Variants in BTBD9 observed in about 807,000 individuals in gnomAD.
BTBD9 encodes BTB domain containing 9.
BTBD9 carries 49 observed loss-of-function variants against 64.3 expected under a neutral mutation model. The ratio of observed to expected loss-of-function variants is 0.76; its 90% CI spans 0.61 to 0.97. The LOEUF (loss-of-function observed/expected upper bound fraction) is 0.97. Among genes scored for constraint, BTBD9 ranks in the 50% least tolerant of loss-of-function variants. BTBD9 has a pLI of 0.00. For missense variants in BTBD9, 598 were observed against 762.1 expected (o/e 0.78, Z 2.53); for synonymous variants, 260 against 274.7 (o/e 0.95, Z 0.53).
intron 6 of BTBD9, among the ~76,000 whole-genome samples, chr6:38,545,030 C>T (rs191654417): frequency 2.1e-4 from 32 of 150,710 alleles, no homozygotes; most frequent in Admixed American, 7.9e-4. Flanking sequence ...ATGTAGGGCA[C>T]TGCAGAACAT....
chr6:38,600,922 C>T (rs575491196), intron 1 of BTBD9, among the ~76,000 whole-genome samples: 10 of 152,058 alleles, frequency 6.6e-5, no homozygotes, highest in African/African-American at 9.7e-5. Flanking sequence ...GAAACTGTTT[C>T]GTGTATAGAA....
chr6:38,518,321 A>G (rs1773132096), intron 6 of BTBD9, among the ~76,000 whole-genome samples: 1 of 152,202 alleles, frequency 6.6e-6, no homozygotes, highest in Non-Finnish European at 1.5e-5. Context: ...AAAGAGGAGG[A>G]ATGCCCTTTA....
In BTBD9 at chr6:38,378,433, G is replaced by A. The variant is rs943162769; in HGVS notation, c.1155-33340C>T. On this transcript the variant is annotated intron_variant, in intron 6 of 10. Coordinates refer to ENST00000481247, the MANE Select transcript of BTBD9 (RefSeq NM_001099272.2). ...TAATTTTCGTATTTTTAGTAGAGAC[G>A]GGGTTTCACCATGTTGGCCAGGCTG... is the stretch of plus-strand genomic sequence containing the variant. Among the ~76,000 whole-genome samples the A allele has an allele frequency of 2.0e-5, 3 of 151,368 alleles. No homozygotes were observed. In the South Asian group the frequency reaches 6.3e-4, roughly 32 times the overall value.
chr6:38,636,346 A>G (rs1778525855), intron 1 of BTBD9, among the ~76,000 whole-genome samples: 1 of 152,154 alleles, frequency 6.6e-6, no homozygotes, highest in Admixed American at 6.5e-5. Context: ...GTCCCTAACC[A>G]TCTCATAAAC....
intron 10 of BTBD9, among the ~76,000 whole-genome samples, chr6:38,187,440 C>T (rs940820314): frequency 7.2e-5 from 11 of 152,116 alleles, no homozygotes; most frequent in African/African-American, 2.7e-4. Context: ...ACAATGGAAG[C>T]GGAGGGTGGA....
chr6:38,368,543 C>T (rs1350045402), intron 6 of BTBD9, among the ~76,000 whole-genome samples: 11 of 152,078 alleles, frequency 7.2e-5, no homozygotes, highest in Admixed American at 2.6e-4. Flanking sequence ...CCACATTGGC[C>T]GGGGTGGTCT....
chr6:38,400,004 C>T (rs771488390), intron 6 of BTBD9, among the ~76,000 whole-genome samples: 5 of 151,626 alleles, frequency 3.3e-5, no homozygotes, highest in Non-Finnish European at 5.9e-5. Context: ...TCAGGTGATC[C>T]GCCCGCCTCG....
At chr6:38,627,416 G>A (rs1778206943) in intron 1 of BTBD9, among the ~76,000 whole-genome samples, 1 of 152,086 alleles carries the variant, frequency 6.6e-6, no homozygotes, top group African/African-American at 2.4e-5. Context: ...CAATATATAT[G>A]GGCTTAAGAA....
chr6:38,456,952 A>G (rs188113244), intron 6 of BTBD9, among the ~76,000 whole-genome samples: 107 of 152,384 alleles, frequency 7.0e-4, no homozygotes, highest in African/African-American at 2.5e-3. Flanking sequence ...GACATGATAA[A>G]GATAGAGTTA....
intron 7 of BTBD9, among the ~76,000 whole-genome samples, chr6:38,307,464 C>T (rs1762668698): frequency 6.6e-6 from 1 of 152,172 alleles, no homozygotes; most frequent in Non-Finnish European, 1.5e-5. Flanking sequence ...CCCAAAGTTT[C>T]CCCCACCTGC....
At chr6:38,448,930 T>C (rs1375633223) in intron 6 of BTBD9, among the ~76,000 whole-genome samples, 1 of 152,206 alleles carries the variant, frequency 6.6e-6, no homozygotes, top group Non-Finnish European at 1.5e-5. Context: ...TATAACCACA[T>C]GGCCCATCTG....
intron 6 of BTBD9, among the ~76,000 whole-genome samples, chr6:38,401,539 A>G (rs553467309): frequency 6.6e-6 from 1 of 152,226 alleles, no homozygotes; most frequent in Non-Finnish European, 1.5e-5. Flanking sequence ...AAATTTCCCA[A>G]AGGAGGAACA....
chr6:38,523,739 A>ATAG (rs1390712031), intron 6 of BTBD9, among the ~76,000 whole-genome samples: 1 of 152,196 alleles, frequency 6.6e-6, no homozygotes, highest in Non-Finnish European at 1.5e-5. Flanking sequence ...CACTTTATAG[A>ATAG]TAGTAGCTAA....
intron 6 of BTBD9, among the ~76,000 whole-genome samples, chr6:38,509,168 G>A (rs1214012887): frequency 6.6e-6 from 1 of 152,192 alleles, no homozygotes; most frequent in Non-Finnish European, 1.5e-5. Context: ...CTGACACATG[G>A]AGGTTACTCA....
Position 38,598,108 on chromosome 6 carries a change from C to T in BTBD9, c.-14G>A, listed in dbSNP as rs373303083. The T allele has an allele frequency of 1.2e-4, 186 of 1,608,866 alleles. No individual in the cohort carries two copies. Among genetic ancestry groups the T allele is most frequent in the Non-Finnish European group, 1.4e-4 (169 of 1,177,026 alleles). ...GCTGTTACTCATCTTGTGGAATAGACGATAGTCGTTGTTCTATCATATAAA... is the reference window on the plus strand; with the variant it reads ...GCTGTTACTCATCTTGTGGAATAGATGATAGTCGTTGTTCTATCATATAAA... On this transcript the variant is annotated 5_prime_UTR_variant, in exon 2 of 11. Coordinates refer to ENST00000481247, the MANE Select transcript of BTBD9 (RefSeq NM_001099272.2).
chr6:38,179,313 G>A (rs188666996), intron 10 of BTBD9: 16 of 386,394 alleles, frequency 4.1e-5, no homozygotes, highest in Middle Eastern at 7.3e-4. Flanking sequence ...GGAATCAATA[G>A]GCAGGAGTCA....
At chr6:38,631,639 C>T (rs1319628423) in intron 1 of BTBD9, among the ~76,000 whole-genome samples, 3 of 152,166 alleles carry the variant, frequency 2.0e-5, no homozygotes, top group Non-Finnish European at 4.4e-5. Context: ...GGAACTGAGG[C>T]CTCCTGTCAA....
Position 38,186,778 on chromosome 6 carries a change from A to G in BTBD9, c.1641+5741T>C, listed in dbSNP as rs147394034. ...CTCAGTTTCTGCTATTGACTTGGTA[A>G]AAGCTTTCATGTAGGTTCTTGTGAG... is the stretch of plus-strand genomic sequence containing the variant. On this transcript the variant is annotated intron_variant, in intron 10 of 10. Transcript: ENST00000481247. Among the ~76,000 whole-genome samples, 873 of 152,314 alleles carry G rather than the reference A, an allele frequency of 5.7e-3. 10 individuals are homozygous for G. The highest frequency in any genetic ancestry group is 0.019 in the African/African-American group (810 of 41,556).
At chr6:38,610,047 G>C (rs995500671) in intron 1 of BTBD9, among the ~76,000 whole-genome samples, 1 of 152,122 alleles carries the variant, frequency 6.6e-6, no homozygotes, top group Non-Finnish European at 1.5e-5. Context: ...CTGTCTGAAG[G>C]TCATTTCTAA....
Sources: allele counts gnomAD v4.1 joint callset (sites outside exome capture counted in the v4.1 genomes callset), GRCh38; gene constraint gnomAD v4.1.1; transcripts MANE v1.5; gene names NCBI Gene and HGNC (gene_info 2026-07-23, HGNC 2026-07-21).